Variants in HHLA2 observed in about 807,000 individuals in gnomAD.
HHLA2 encodes HHLA2 member of B7 family.
Under a neutral mutation model 45.9 loss-of-function variants are expected in HHLA2, and 48 were observed. The observed-to-expected ratio is 1.05, with a 90% CI of 0.83 to 1.33. The LOEUF is 1.33. HHLA2 is among the 40% of genes most tolerant of loss of function. HHLA2 has a pLI of 0.00. For synonymous variants in HHLA2, 161 were observed against 173.9 expected (o/e 0.93, Z 0.59); for missense variants, 462 against 494.3 (o/e 0.93, Z 0.62).
chr3:108,369,277 A>G (rs2082122023), intron 8 of HHLA2, among the ~76,000 whole-genome samples: 1 of 152,202 alleles, frequency 6.6e-6, no homozygotes, highest in Non-Finnish European at 1.5e-5. Flanking sequence ...AGCAGGAAAG[A>G]CCTAAAATCA....
intron 4 of HHLA2, 105 bp downstream of exon 3, chr3:108,351,982 C>A: frequency 1.4e-6 from 1 of 708,688 alleles, no homozygotes. Flanking sequence ...GCATCGTGAA[C>A]TTTCCTAAAT....
intron 8 of HHLA2, among the ~76,000 whole-genome samples, chr3:108,372,346 T>C (rs999280075): frequency 7.9e-5 from 12 of 151,618 alleles, no homozygotes; most frequent in Non-Finnish European, 1.5e-4. Context: ...GGGAAATTTA[T>C]AGCACTAAAT....
intron 9 of HHLA2, 53 bp downstream of exon 8, chr3:108,375,853 CA>C: frequency 2.5e-6 from 4 of 1,591,536 alleles, no homozygotes; most frequent in Non-Finnish European, 3.4e-6. Flanking sequence ...GAGGAGCAGT[CA>C]AAAGATATCG....
chr3:108,314,231 AAG>A (rs1004305676), intron 2 of HHLA2, among the ~76,000 whole-genome samples: 2 of 152,096 alleles, frequency 1.3e-5, no homozygotes, highest in Non-Finnish European at 2.9e-5. Flanking sequence ...TCAAAGGAGA[AAG>A]AGATGGAGGA....
chr3:108,360,832 C>T (rs1415482743), intron 7 of HHLA2, among the ~76,000 whole-genome samples: 1 of 152,190 alleles, frequency 6.6e-6, no homozygotes, highest in Non-Finnish European at 1.5e-5. Context: ...ATAAAGCGGA[C>T]TCCTGCGTGG....
intron 1 of HHLA2, among the ~76,000 whole-genome samples, chr3:108,298,918 C>T (rs1434903194): frequency 6.9e-6 from 1 of 144,244 alleles, no homozygotes; most frequent in Non-Finnish European, 1.5e-5. Context: ...AGCTTCCTTG[C>T]TTTAATACTT....
At chr3:108,326,224 T>A in intron 2 of HHLA2, 1 of 210,276 alleles carries the variant, frequency 4.8e-6, no homozygotes, top group South Asian at 9.6e-5. Context: ...CCACCTTGTA[T>A]GGTGTATTCG....
chr3:108,296,908 T>A (rs1560171795), intron 1 of HHLA2, among the ~76,000 whole-genome samples: 1 of 152,224 alleles, frequency 6.6e-6, no homozygotes, highest in Non-Finnish European at 1.5e-5. Context: ...TTGAAAATTA[T>A]CTGCGAACTT....
intron 1 of HHLA2, among the ~76,000 whole-genome samples, chr3:108,308,378 A>G (rs1252729665): frequency 2.0e-5 from 3 of 152,196 alleles, no homozygotes; most frequent in Admixed American, 6.6e-5. Context: ...ACTCCATTGT[A>G]TATATGTACC....
At chr3:108,298,709 T>C (rs1193996909) in intron 1 of HHLA2, among the ~76,000 whole-genome samples, 1 of 152,216 alleles carries the variant, frequency 6.6e-6, no homozygotes, top group Non-Finnish European at 1.5e-5. Flanking sequence ...TTTCTCTCTG[T>C]AAATACTGTT....
At chr3:108,314,996 A>G (rs1181359696) in intron 2 of HHLA2, among the ~76,000 whole-genome samples, 1 of 152,224 alleles carries the variant, frequency 6.6e-6, no homozygotes, top group East Asian at 1.9e-4. Flanking sequence ...CTACTAAGCA[A>G]GATATCAAGC....
intron 2 of HHLA2, among the ~76,000 whole-genome samples, chr3:108,318,379 A>T (rs984142361): frequency 5.9e-5 from 9 of 152,160 alleles, no homozygotes; most frequent in African/African-American, 1.9e-4. Flanking sequence ...ACTTTGACAA[A>T]CATGGTCTCC....
At chr3:108,365,031 T>C (rs1035023641) in intron 8 of HHLA2, among the ~76,000 whole-genome samples, 1 of 152,230 alleles carries the variant, frequency 6.6e-6, no homozygotes, top group African/African-American at 2.4e-5. Flanking sequence ...TTGGCTTTTG[T>C]TGCAATTGCT....
chr3:108,306,461 G>A (rs1385117444), intron 1 of HHLA2, among the ~76,000 whole-genome samples: 1 of 152,098 alleles, frequency 6.6e-6, no homozygotes, highest in Non-Finnish European at 1.5e-5. Context: ...GGTAGAATTT[G>A]TCTGGAAAAC....
chr3:108,319,133 A>C (rs1047278907), intron 2 of HHLA2, among the ~76,000 whole-genome samples: 1 of 152,088 alleles, frequency 6.6e-6, no homozygotes, highest in African/African-American at 2.4e-5. Context: ...TGCCTTGATG[A>C]GATAGTTCAG....
intron 3 of HHLA2, among the ~76,000 whole-genome samples, chr3:108,344,040 G>C (rs531857782): frequency 4.9e-4 from 74 of 152,226 alleles, no homozygotes; most frequent in African/African-American, 1.7e-3. Context: ...ATAATCAGAT[G>C]TGTCTAGTTA....
intron 2 of HHLA2, among the ~76,000 whole-genome samples, chr3:108,327,701 C>A (rs1476580087): frequency 6.6e-6 from 1 of 151,992 alleles, no homozygotes; most frequent in Non-Finnish European, 1.5e-5. Context: ...TCTCTTTGAA[C>A]AAAAAAAGTA....
intron 5 of HHLA2, among the ~76,000 whole-genome samples, chr3:108,354,892 C>T (rs1198381030): frequency 6.6e-6 from 1 of 152,134 alleles, no homozygotes; most frequent in Non-Finnish European, 1.5e-5. Context: ...TTGCCACATA[C>T]CCATGCCTGC....
chr3:108,305,306 A>G (rs1246436152), intron 1 of HHLA2, among the ~76,000 whole-genome samples: 1 of 152,200 alleles, frequency 6.6e-6, no homozygotes, highest in Non-Finnish European at 1.5e-5. Flanking sequence ...GTAAACGGAC[A>G]GATTACCATG....
Sources: gnomAD v4.1 joint callset for allele counts (sites outside exome capture counted in the v4.1 genomes callset) on GRCh38, gnomAD v4.1.1 for gene constraint, MANE v1.5 for transcripts, NCBI Gene and HGNC (gene_info 2026-07-23, HGNC 2026-07-21) for gene names.